The following SH3PXD2B variants were observed in gnomAD, a reference collection of about 807,000 sequenced individuals.
SH3PXD2B encodes the protein SH3 and PX domain-containing protein 2B.
A neutral mutation model predicts 73.1 loss-of-function variants in SH3PXD2B; 37 were observed. The observed-to-expected ratio is 0.51, with a 90% CI of 0.39 to 0.67. SH3PXD2B has a LOEUF of 0.67. SH3PXD2B is among the 30% of genes least tolerant of loss of function. SH3PXD2B has a pLI of 0.00. For missense variants in SH3PXD2B, 1,053 were observed against 1,197.8 expected, an observed-to-expected ratio of 0.88 and a Z score of 1.78; for synonymous variants, 457 against 480.5, an observed-to-expected ratio of 0.95 and a Z score of 0.64.
intron 2 of SH3PXD2B, among the ~76,000 whole-genome samples, chr5:172,408,545 T>TTTC (rs1758616658): frequency 6.8e-6 from 1 of 146,224 alleles, no homozygotes; most frequent in African/African-American, 2.6e-5. Flanking sequence ...TTTTTTTTTT[T>TTTC]TTTTTTTTTT....
At chr5:172,376,490 T>C (rs1346592080) in intron 5 of SH3PXD2B, among the ~76,000 whole-genome samples, 2 of 152,232 alleles carry the variant, frequency 1.3e-5, no homozygotes, top group African/African-American at 4.8e-5. Context: ...GTCTACTCAA[T>C]GTGTCTGGGT....
chr5:172,407,628 C>G (rs1758592487), intron 2 of SH3PXD2B, among the ~76,000 whole-genome samples: 1 of 152,202 alleles, frequency 6.6e-6, no homozygotes, highest in Non-Finnish European at 1.5e-5. Context: ...ATGTGAAAAG[C>G]CTGCCCACAG....
At chr5:172,329,083 A>ATTTTTTT (rs1164155218), downstream of SH3PXD2B, among the ~76,000 whole-genome samples, 3,732 of 61,538 alleles carry the variant, frequency 0.061, 258 homozygotes, top group East Asian at 0.13. Context: ...ATATATATAT[A>ATTTTTTT]TTTTTTTTTT....
rs1756650722 is a variant in SH3PXD2B, at chr5:172,334,895, A to C, written c.*3474T>G. The C allele has an allele frequency of 1.0e-6, 1 of 985,328 alleles. No individual in the cohort carries two copies. Among genetic ancestry groups the C allele is most frequent in the African/African-American group, 1.7e-5 (1 of 57,240 alleles). 61.0% of individuals were successfully genotyped at this position (985,328 alleles called of 1,614,324 possible). ...AGTGGGCGCAAACATTTTAGGGCCA[A>C]GAACATTGACTTGGAAATTGATTCT... On this transcript the variant is annotated 3_prime_UTR_variant, in exon 13 of 13. Coordinates refer to ENST00000311601, the MANE Select transcript of SH3PXD2B (RefSeq NM_001017995.3).
At chr5:172,451,097 T>C (rs1759786099) in intron 1 of SH3PXD2B, among the ~76,000 whole-genome samples, 1 of 152,202 alleles carries the variant, frequency 6.6e-6, no homozygotes, top group Non-Finnish European at 1.5e-5. Context: ...AGGCTGGGGC[T>C]GGAGAGGACG....
At chr5:172,327,717 T>A (rs1398590755) in intron 12 of SH3PXD2B, among the ~76,000 whole-genome samples, 9 of 151,324 alleles carry the variant, frequency 5.9e-5, no homozygotes, top group African/African-American at 2.2e-4. Context: ...GCTTCCTGAG[T>A]ATCTGGAACT....
rs1756661678 is a variant in SH3PXD2B at position 172,335,331 on chromosome 5, C to T, written c.*3038G>A. The T allele has an allele frequency of 3.3e-6, 4 of 1,195,128 alleles. No individual in the cohort carries two copies. Among genetic ancestry groups the T allele is most frequent in the African/African-American group, 3.1e-5 (2 of 63,600 alleles). The allele number at this position is 1,195,128 out of a possible 1,614,324, so 74.0% of individuals were successfully genotyped here. A position where few individuals can be genotyped will look rare whatever the true frequency, so the allele number is the denominator to read the frequency against. ...AGCAAGGGGCGGGGGGAAGAGGCAC[C>T]GAAATTCAGAGGGAGGGTCACTTGA... On this transcript the variant is annotated 3_prime_UTR_variant, in exon 13 of 13. Coordinates refer to ENST00000311601, the MANE Select transcript of SH3PXD2B (RefSeq NM_001017995.3).
At position 172,433,109 on chromosome 5, in the gene SH3PXD2B, G is replaced by A. The variant is rs1045858810; in HGVS notation, c.76-10613C>T. On this transcript the variant is annotated intron_variant, in intron 1 of 12. Coordinates refer to ENST00000311601, the MANE Select transcript of SH3PXD2B (RefSeq NM_001017995.3). ...AAAACCTTTTCTATGTAACACAATG[G>A]TGAGTATTTGTATATTCTAGTCAAA... Among the ~76,000 whole-genome samples the A allele has an allele frequency of 4.0e-5, 6 of 151,808 alleles. No individual in the cohort carries two copies. In the South Asian group the frequency reaches 1.3e-3, roughly 32 times the overall value.
intron 1 of SH3PXD2B, among the ~76,000 whole-genome samples, chr5:172,449,741 C>T (rs778883719): frequency 2.6e-5 from 4 of 152,164 alleles, no homozygotes; most frequent in Admixed American, 6.5e-5. Context: ...GAACAGAGAG[C>T]AAAGGGAACC....
chr5:172,423,554 G>GGGGGGGT (rs1554141224), intron 1 of SH3PXD2B, among the ~76,000 whole-genome samples: 1 of 144,582 alleles, frequency 6.9e-6, no homozygotes, highest in African/African-American at 2.6e-5. Flanking sequence ...TTGGGGGGGG[G>GGGGGGGT]GGCGCACATT....
chr5:172,383,117 G>A (rs1044782455), intron 4 of SH3PXD2B, among the ~76,000 whole-genome samples: 4 of 152,050 alleles, frequency 2.6e-5, no homozygotes, highest in African/African-American at 7.2e-5. Context: ...TATTCAACTC[G>A]TCTACTGGTG....
chr5:172,414,456 TAAAAAAAAAAAA>T (rs1007937801), intron 2 of SH3PXD2B, among the ~76,000 whole-genome samples: 4 of 77,554 alleles, frequency 5.2e-5, no homozygotes, highest in African/African-American at 2.0e-4. Flanking sequence ...GACTCCATCT[TAAAAAAAAAAAA>T]AAAAAAAAAA....
At position 172,336,529 on chromosome 5, in the gene SH3PXD2B, G is replaced by GT. The variant is rs397720891; in HGVS notation, c.*1839dup. 0.53 allele frequency: 521,632 copies of GT among 985,734 alleles called. 138,783 individuals carry two copies. Among genetic ancestry groups the GT allele is most frequent in the South Asian group, 0.74 (15,660 of 21,288 alleles). 61.1% of individuals were successfully genotyped at this position (985,734 alleles called of 1,614,324 possible). ...TCACGCAGAAGCAGCCAGCACCCAC[G>GT]TGATAGGGGGTGGAGCTGGGAGGCG... On this transcript the variant is annotated 3_prime_UTR_variant, in exon 13 of 13. Transcript: ENST00000311601.
Position 172,358,804 on chromosome 5 carries a change from C to T in SH3PXD2B, c.636G>A (p.Val212=). The change falls in exon 8 of 13, where the codon GTG becomes GTA. Residue 212 remains valine, a synonymous_variant. Transcript: ENST00000311601. ...PATCLEGQDG[V]QDEFSLQPEE... ...CAGGCTGCAGAGAAAACTCATCCTG[C>T]ACCCCATCCTGGCCTTCGAGGCACG... The T allele has an allele frequency of 1.9e-6, 3 of 1,613,662 alleles. No homozygotes were observed. Among genetic ancestry groups the T allele is most frequent in the Non-Finnish European group, 1.7e-6 (2 of 1,179,844 alleles).
chr5:172,415,115 T>C (rs1758790610), intron 2 of SH3PXD2B, among the ~76,000 whole-genome samples: 1 of 152,232 alleles, frequency 6.6e-6, no homozygotes, highest in Admixed American at 6.5e-5. Context: ...GAGATCCATC[T>C]GGGTCCCTTG....
intron 11 of SH3PXD2B, among the ~76,000 whole-genome samples, chr5:172,346,496 T>C (rs973289448): frequency 6.6e-6 from 1 of 152,040 alleles, no homozygotes; most frequent in South Asian, 2.1e-4. Context: ...TTGGGTACAA[T>C]CATGAGAATT....
rs116591814 is a variant in SH3PXD2B at position 172,335,900 on chromosome 5, G to A, written c.*2469C>T. Reference sequence around the variant, plus strand: ...AGAGAGGACTGTGGCTTCAGTACCCGCGGGTCATGTCAGAATAATCATCAT... The same window carrying A: ...AGAGAGGACTGTGGCTTCAGTACCCACGGGTCATGTCAGAATAATCATCAT... On this transcript the variant is annotated 3_prime_UTR_variant, in exon 13 of 13. Coordinates refer to ENST00000311601, the MANE Select transcript of SH3PXD2B (RefSeq NM_001017995.3). The A allele has an allele frequency of 5.5e-4, 661 of 1,210,866 alleles. 4 individuals are homozygous for A. In the African/African-American group the frequency reaches 9.1e-3, roughly 17 times the overall value. The allele number at this position is 1,210,866 out of a possible 1,614,324, so 75.0% of individuals were successfully genotyped here.
rs1756610857 is a variant in SH3PXD2B, at chr5:172,333,537, A to AC, written c.*4831_*4832insG. On this transcript the variant is annotated 3_prime_UTR_variant, in exon 13 of 13. Transcript: ENST00000311601. ...TTGAAACCAGTCAAGCACTTTTTTT[A>AC]TTTAAAAAAAAAAAAAGGAAAGAAG... 9.2e-7 allele frequency: 1 copy of AC among 1,089,394 alleles called. No homozygotes were observed. The highest frequency in any genetic ancestry group is 1.1e-6 in the Non-Finnish European group (1 of 891,576). 67.5% of individuals were successfully genotyped at this position (1,089,394 alleles called of 1,614,324 possible). A position where few individuals can be genotyped will look rare whatever the true frequency, so the allele number is the denominator to read the frequency against.
intron 2 of SH3PXD2B, among the ~76,000 whole-genome samples, chr5:172,416,785 T>C (rs1425771336): frequency 7.0e-6 from 1 of 143,474 alleles, no homozygotes; most frequent in Non-Finnish European, 1.5e-5. Flanking sequence ...CTCAGCTCAC[T>C]GCAGCCTCGA....
Sources: gnomAD v4.1 joint callset for allele counts (sites outside exome capture counted in the v4.1 genomes callset) on GRCh38, gnomAD v4.1.1 for gene constraint, MANE v1.5 for transcripts, NCBI Gene and HGNC (gene_info 2026-07-23, HGNC 2026-07-21) for gene names.